Variants in KCNIP4 observed in about 807,000 individuals in gnomAD.
KCNIP4 encodes potassium voltage-gated channel interacting protein 4.
Under a neutral mutation model 34.0 loss-of-function variants are expected in KCNIP4, and 12 were observed. The observed-to-expected ratio is 0.35, with a 90% CI of 0.23 to 0.57. KCNIP4 has a LOEUF of 0.57. KCNIP4 is among the 20% of genes least tolerant of loss of function. KCNIP4 has a pLI of 0.83. For missense variants in KCNIP4, 238 were observed against 311.7 expected, an observed-to-expected ratio of 0.76 and a Z score of 1.78; for synonymous variants, 124 against 102.2, an observed-to-expected ratio of 1.21 and a Z score of -1.29.
At chr4:21,321,865 A>T (rs1560288429) in intron 1 of KCNIP4, among the ~76,000 whole-genome samples, 2 of 95,108 alleles carry the variant, frequency 2.1e-5, no homozygotes, top group Non-Finnish European at 4.5e-5. Flanking sequence ...GAGAAAGGAA[A>T]AAGCAAGGAA....
chr4:20,986,185 A>G (rs1736560051), intron 1 of KCNIP4, among the ~76,000 whole-genome samples: 1 of 152,102 alleles, frequency 6.6e-6, no homozygotes, highest in South Asian at 2.1e-4. Context: ...TCCAAGGTCT[A>G]GTTTCAGCGT....
At chr4:21,837,353 G>T (rs1723394334) in intron 1 of KCNIP4, among the ~76,000 whole-genome samples, 2 of 150,100 alleles carry the variant, frequency 1.3e-5, no homozygotes, top group Admixed American at 1.3e-4. Context: ...GGCCAACATG[G>T]TGAAACTCCA....
At chr4:21,696,380 C>T (rs1031964446) in intron 1 of KCNIP4, among the ~76,000 whole-genome samples, 1 of 152,136 alleles carries the variant, frequency 6.6e-6, no homozygotes, top group East Asian at 1.9e-4. Context: ...ATAAATGGCA[C>T]ATCATCCTTA....
chr4:21,870,316 C>A (rs1310907014), intron 1 of KCNIP4, among the ~76,000 whole-genome samples: 2 of 152,156 alleles, frequency 1.3e-5, no homozygotes, highest in African/African-American at 4.8e-5. Flanking sequence ...AGCCGATCAG[C>A]ACTGAAAGCC....
chr4:21,726,218 G>A (rs1715181494), intron 1 of KCNIP4, among the ~76,000 whole-genome samples: 1 of 142,518 alleles, frequency 7.0e-6, no homozygotes, highest in South Asian at 2.9e-4. Flanking sequence ...GCCTCCTCAT[G>A]GATAAATAAC....
At chr4:21,353,776 C>T (rs1456874124) in intron 1 of KCNIP4, among the ~76,000 whole-genome samples, 1 of 152,120 alleles carries the variant, frequency 6.6e-6, no homozygotes, top group African/African-American at 2.4e-5. Flanking sequence ...GGACAACATT[C>T]AAATTCAGGA....
chr4:21,493,938 A>G (rs1212488294), intron 1 of KCNIP4, among the ~76,000 whole-genome samples: 1 of 152,240 alleles, frequency 6.6e-6, no homozygotes, highest in Non-Finnish European at 1.5e-5. Flanking sequence ...GATAATAGAG[A>G]AGGTTTCATT....
At chr4:21,070,736 T>C (rs7441072) in intron 1 of KCNIP4, among the ~76,000 whole-genome samples, 1 of 129,066 alleles carries the variant, frequency 7.7e-6, no homozygotes. Context: ...AGTGCGGTGG[T>C]GCAATCTCGG....
At chr4:21,615,883 G>C (rs1744559488) in intron 1 of KCNIP4, among the ~76,000 whole-genome samples, 1 of 152,150 alleles carries the variant, frequency 6.6e-6, no homozygotes, top group African/African-American at 2.4e-5. Flanking sequence ...CCACCACTTT[G>C]CTCTGAGCAA....
At chr4:21,146,111 A>G (rs1230411856) in intron 1 of KCNIP4, among the ~76,000 whole-genome samples, 1 of 152,168 alleles carries the variant, frequency 6.6e-6, no homozygotes, top group African/African-American at 2.4e-5. Context: ...TAAAAGTGGG[A>G]GACTCGGCCG....
At chr4:21,231,400 C>G (rs534511550) in intron 1 of KCNIP4, among the ~76,000 whole-genome samples, 1 of 152,180 alleles carries the variant, frequency 6.6e-6, no homozygotes, top group South Asian at 2.1e-4. Context: ...TACATTTTGT[C>G]AAATTGTACC....
intron 1 of KCNIP4, among the ~76,000 whole-genome samples, chr4:21,830,272 A>G (rs1722902679): frequency 6.6e-6 from 1 of 152,190 alleles, no homozygotes; most frequent in African/African-American, 2.4e-5. Context: ...AAATGGCTCA[A>G]TTCATCAGGA....
intron 3 of KCNIP4, among the ~76,000 whole-genome samples, chr4:20,820,095 C>T: frequency 6.6e-6 from 1 of 152,156 alleles, no homozygotes; most frequent in East Asian, 1.9e-4. Context: ...GTCTCTATTC[C>T]TGTGAATAAA....
chr4:21,646,142 C>T (rs1229256998), intron 1 of KCNIP4, among the ~76,000 whole-genome samples: 2 of 152,130 alleles, frequency 1.3e-5, no homozygotes, highest in Non-Finnish European at 2.9e-5. Flanking sequence ...ATTTCTCCAA[C>T]AAGATATTAA....
At chr4:20,776,979 T>G (rs1407858395) in intron 3 of KCNIP4, among the ~76,000 whole-genome samples, 5 of 152,078 alleles carry the variant, frequency 3.3e-5, no homozygotes, top group African/African-American at 1.2e-4. Flanking sequence ...AGACTGAAAG[T>G]GTGTGTGGCC....
intron 1 of KCNIP4, among the ~76,000 whole-genome samples, chr4:21,294,388 C>A (rs1320249261): frequency 6.6e-6 from 1 of 152,180 alleles, no homozygotes. Flanking sequence ...TGTGTCATCG[C>A]ATTTTGGCAT....
chr4:20,936,037 G>A (rs1731023283), intron 1 of KCNIP4, among the ~76,000 whole-genome samples: 1 of 151,382 alleles, frequency 6.6e-6, no homozygotes, highest in Non-Finnish European at 1.5e-5. Context: ...GAACACAAGA[G>A]CTTAAGTTTC....
intron 1 of KCNIP4, among the ~76,000 whole-genome samples, chr4:20,918,972 C>A (rs1729118279): frequency 6.6e-6 from 1 of 152,126 alleles, no homozygotes; most frequent in South Asian, 2.1e-4. Flanking sequence ...ACCAAAGGGG[C>A]CTTTAGGCAA....
Position 20,893,946 on chromosome 4 carries a change from T to C in KCNIP4, c.62-11237A>G, listed in dbSNP as rs1470660033. ...TCCATGCTGGAGTACAGTGGTGTGA[T>C]CTGGGCTCACTGCAACCTCCACCTC... On this transcript the variant is annotated intron_variant, in intron 1 of 8. Transcript: ENST00000382152. Among the ~76,000 whole-genome samples the C allele has an allele frequency of 5.9e-5, 9 of 152,322 alleles. No homozygotes were observed. The South Asian group carries it at 1.0e-3, about 18-fold the overall frequency.
Sources: allele counts gnomAD v4.1 joint callset (sites outside exome capture counted in the v4.1 genomes callset), GRCh38; gene constraint gnomAD v4.1.1; transcripts MANE v1.5; gene names NCBI Gene and HGNC (gene_info 2026-07-23, HGNC 2026-07-21).